CYP2C19: variants seen among roughly 807,000 people sequenced by gnomAD.
CYP2C19 encodes cytochrome P450 family 2 subfamily C member 19, also known as cytochrome P450 2C19.
A neutral mutation model predicts 40.9 loss-of-function variants in CYP2C19; 59 were observed. The ratio of observed to expected loss-of-function variants is 1.44; its 90% CI spans 1.17 to 1.79. CYP2C19 has a LOEUF of 1.79. CYP2C19 is among the 40% of genes most tolerant of loss of function. The pLI, the probability that CYP2C19 is intolerant of heterozygous loss-of-function variation, is 0.00. For synonymous variants in CYP2C19, 253 were observed against 208.7 expected (o/e 1.21, Z -1.83); for missense variants, 754 against 596.9 (o/e 1.26, Z -2.74).
chr10:94,804,114 C>G (rs969650413), intron 5 of CYP2C19, among the ~76,000 whole-genome samples: 1 of 152,216 alleles, frequency 6.6e-6, no homozygotes, highest in African/African-American at 2.4e-5. Flanking sequence ...GCTCTGAGTG[C>G]CTGGAGCTCT....
At chr10:94,789,033 C>G (rs1848575801) in intron 5 of CYP2C19, among the ~76,000 whole-genome samples, 1 of 152,116 alleles carries the variant, frequency 6.6e-6, no homozygotes, top group African/African-American at 2.4e-5. Flanking sequence ...TTAATGTTCG[C>G]CATTCTAACT....
chr10:94,789,096 G>A (rs1046482628), intron 5 of CYP2C19, among the ~76,000 whole-genome samples: 1 of 152,032 alleles, frequency 6.6e-6, no homozygotes, highest in African/African-American at 2.4e-5. Context: ...CTAATGACCA[G>A]TGATGACGAG....
chr10:94,796,833 A>C (rs1271028908), intron 5 of CYP2C19, among the ~76,000 whole-genome samples: 1 of 152,130 alleles, frequency 6.6e-6, no homozygotes, highest in Non-Finnish European at 1.5e-5. Context: ...AATTTTGTAC[A>C]TTGATTTTGT....
intron 1 of CYP2C19, among the ~76,000 whole-genome samples, chr10:94,768,766 G>C (rs1369831250): frequency 6.6e-6 from 1 of 152,088 alleles, no homozygotes; most frequent in Admixed American, 6.5e-5. Flanking sequence ...GTTGTTTCAC[G>C]AGTCTGAGTA....
intron 1 of CYP2C19, among the ~76,000 whole-genome samples, chr10:94,768,036 C>T (rs1848272060): frequency 6.6e-6 from 1 of 152,132 alleles, no homozygotes; most frequent in Admixed American, 6.5e-5. Context: ...CTGCCACCAC[C>T]TTGGGTTTTT....
Position 94,778,288 on chromosome 10 carries a change from A to G in CYP2C19, c.482-2211A>G, listed in dbSNP as rs115423688. 3.1e-3 allele frequency among the ~76,000 whole-genome samples: 471 copies of G among 152,212 alleles called. 3 individuals carry two copies. Among genetic ancestry groups the G allele is most frequent in the African/African-American group, 0.011 (448 of 41,538 alleles). ...GATGACTTCCCCTTCCCTCCCTTGT[A>G]CATACTCCTCGTCCTCTCCCTCACG... On this transcript the variant is annotated intron_variant, in intron 3 of 8. Coordinates refer to ENST00000371321, the MANE Select transcript of CYP2C19 (RefSeq NM_000769.4).
At chr10:94,825,869 T>TATGGCTAGCCAGCTTTCC (rs1849211049) in intron 6 of CYP2C19, among the ~76,000 whole-genome samples, 1 of 151,290 alleles carries the variant, frequency 6.6e-6, no homozygotes, top group African/African-American at 2.4e-5. Flanking sequence ...TTCAGCTTTC[T>TATGGCTAGCCAGCTTTCC]ACATATGGCT....
chr10:94,840,143 A>G (rs1849470122), intron 6 of CYP2C19, among the ~76,000 whole-genome samples: 1 of 152,038 alleles, frequency 6.6e-6, no homozygotes, highest in Non-Finnish European at 1.5e-5. Flanking sequence ...AGGATTTAAT[A>G]CGCCTTTATT....
At chr10:94,826,521 T>C (rs1485125177) in intron 6 of CYP2C19, among the ~76,000 whole-genome samples, 2 of 152,218 alleles carry the variant, frequency 1.3e-5, no homozygotes, top group African/African-American at 4.8e-5. Flanking sequence ...ATCCTGAGAC[T>C]TTGCTGAAGT....
chr10:94,783,953 C>A (rs1848508554), intron 5 of CYP2C19, among the ~76,000 whole-genome samples: 1 of 152,108 alleles, frequency 6.6e-6, no homozygotes, highest in African/African-American at 2.4e-5. Context: ...AAGCATACAC[C>A]TAAGTGGTAT....
At chr10:94,848,906 G>GTGA (rs1849612077) in intron 7 of CYP2C19, among the ~76,000 whole-genome samples, 1 of 152,272 alleles carries the variant, frequency 6.6e-6, no homozygotes, top group African/African-American at 2.4e-5. Flanking sequence ...AAGAATGCTT[G>GTGA]TGATTTTTGT....
At chr10:94,767,179 G>A (rs942325530) in intron 1 of CYP2C19, among the ~76,000 whole-genome samples, 36 of 152,120 alleles carry the variant, frequency 2.4e-4, no homozygotes, top group Non-Finnish European at 5.0e-4. Flanking sequence ...AGAGTAAAGA[G>A]TAGGCCATGG....
intron 8 of CYP2C19, 91 bp from the exon 9 acceptor site, chr10:94,852,642 A>G: frequency 7.1e-7 from 1 of 1,408,544 alleles, no homozygotes; most frequent in Non-Finnish European, 1.0e-6. Flanking sequence ...CAGTTCTTGC[A>G]TATTCTGTCT....
intron 5 of CYP2C19, among the ~76,000 whole-genome samples, chr10:94,815,354 A>T (rs1041100735): frequency 3.9e-5 from 6 of 152,244 alleles, no homozygotes; most frequent in Non-Finnish European, 7.3e-5. Flanking sequence ...CTCTAAAAGC[A>T]TAATTAATTT....
intron 6 of CYP2C19, among the ~76,000 whole-genome samples, chr10:94,828,763 G>A (rs1849274575): frequency 6.6e-6 from 1 of 152,066 alleles, no homozygotes; most frequent in Non-Finnish European, 1.5e-5. Context: ...TAGACTCGAT[G>A]GTCTTTACAT....
chr10:94,811,569 A>G (rs1047953772), intron 5 of CYP2C19, among the ~76,000 whole-genome samples: 3 of 152,054 alleles, frequency 2.0e-5, no homozygotes, highest in Admixed American at 6.6e-5. Flanking sequence ...GTGCTCCTGT[A>G]TTGGGTGTGT....
rs147959353 is a variant in CYP2C19 at position 94,788,199 on chromosome 10, A to T, written c.819+6202A>T. 2.0e-5 allele frequency among the ~76,000 whole-genome samples: 3 copies of T among 152,040 alleles called. No individual in the cohort carries two copies. The East Asian group carries it at 5.8e-4, about 29-fold the overall frequency. ...GCATGAACATTTTTGATGTATACAA[A>T]TGGTACTGAGTTTTGTACATTTATT... is the stretch of plus-strand genomic sequence containing the variant. On this transcript the variant is annotated intron_variant, in intron 5 of 8. Coordinates refer to ENST00000371321, the MANE Select transcript of CYP2C19 (RefSeq NM_000769.4).
chr10:94,787,185 T>A (rs1274783459), intron 5 of CYP2C19, among the ~76,000 whole-genome samples: 2 of 152,076 alleles, frequency 1.3e-5, no homozygotes, highest in East Asian at 1.9e-4. Flanking sequence ...TTTAATCATA[T>A]CCATTCTGAC....
At chr10:94,837,075 T>C (rs1434823822) in intron 6 of CYP2C19, among the ~76,000 whole-genome samples, 1 of 152,160 alleles carries the variant, frequency 6.6e-6, no homozygotes, top group Non-Finnish European at 1.5e-5. Context: ...TCCAGGACTG[T>C]AAACCACTCT....
Sources: allele counts gnomAD v4.1 joint callset (sites outside exome capture counted in the v4.1 genomes callset), GRCh38; gene constraint gnomAD v4.1.1; transcripts MANE v1.5; gene names NCBI Gene and HGNC (gene_info 2026-07-23, HGNC 2026-07-21).